ANKS1B: variants seen among roughly 807,000 people sequenced by gnomAD.
ANKS1B encodes the protein ankyrin repeat and sterile alpha motif domain-containing protein 1B.
A neutral mutation model predicts 148.3 loss-of-function variants in ANKS1B; 36 were observed. That is an observed-to-expected ratio of 0.24 (90% CI 0.19 to 0.32). The LOEUF (loss-of-function observed/expected upper bound fraction) is 0.32. Ranked by LOEUF, ANKS1B falls within the 10% of genes least tolerant of loss-of-function variation. The pLI is 1.00. For missense variants in ANKS1B, 1,157 were observed against 1,542.6 expected (o/e 0.75, Z 4.19); for synonymous variants, 542 against 560.8 (o/e 0.97, Z 0.47).
intron 15 of ANKS1B, among the ~76,000 whole-genome samples, chr12:99,145,848 T>G (rs1008675039): frequency 5.3e-5 from 8 of 152,096 alleles, no homozygotes; most frequent in Non-Finnish European, 1.0e-4. Flanking sequence ...TGCTGGCAAT[T>G]TTTTTAACCT....
chr12:99,193,793 C>CTTTTTTTTTTTTTTTTTTT (rs34024548), intron 14 of ANKS1B, among the ~76,000 whole-genome samples: 1 of 66,800 alleles, frequency 1.5e-5, no homozygotes, highest in Non-Finnish European at 2.6e-5. Context: ...ATTTCTAGTT[C>CTTTTTTTTTTTTTTTTTTT]TTTTTTTTTT....
intron 8 of ANKS1B, among the ~76,000 whole-genome samples, chr12:99,691,798 A>G (rs762209185): frequency 5.9e-5 from 9 of 152,068 alleles, no homozygotes; most frequent in Non-Finnish European, 1.3e-4. Context: ...GCAGTGCCCC[A>G]CTCTCAGTAC....
At chr12:99,788,950 T>A (rs906619770) in intron 4 of ANKS1B, among the ~76,000 whole-genome samples, 33 of 152,186 alleles carry the variant, frequency 2.2e-4, no homozygotes, top group Admixed American at 1.8e-3. Flanking sequence ...CTGCAGTAAA[T>A]TAGAACATCA....
chr12:99,052,881 T>TAACTGAAAAAATTTCCTA (rs1360872825), intron 17 of ANKS1B, among the ~76,000 whole-genome samples: 3 of 151,732 alleles, frequency 2.0e-5, no homozygotes, highest in Non-Finnish European at 4.4e-5. Context: ...CTATATCCTA[T>TAACTGAAAAAATTTCCTA]AACTGAAAAA....
rs55981755 is a variant in ANKS1B at position 99,262,673 on chromosome 12, T to G, written c.1757-15809A>C. 9.2e-5 allele frequency among the ~76,000 whole-genome samples: 14 copies of G among 152,014 alleles called. No individual in the cohort carries two copies. The East Asian group carries it at 1.7e-3, about 19-fold the overall frequency. On this transcript the variant is annotated intron_variant, in intron 12 of 26. Coordinates refer to ENST00000683438, the MANE Select transcript of ANKS1B (RefSeq NM_001352186.2). ...AATAAGATCACTCTGTTTATGTAAT[T>G]AAAAAAAATTTAAATCTCACCTAAA...
chr12:99,571,732 T>A (rs1203060145), intron 9 of ANKS1B, among the ~76,000 whole-genome samples: 1 of 152,146 alleles, frequency 6.6e-6, no homozygotes, highest in Non-Finnish European at 1.5e-5. Flanking sequence ...TCTAAGGGAT[T>A]TCTATAGCCA....
chr12:99,532,347 T>C (rs941820502), intron 9 of ANKS1B, among the ~76,000 whole-genome samples: 1 of 152,112 alleles, frequency 6.6e-6, no homozygotes, highest in Non-Finnish European at 1.5e-5. Context: ...GGTTTTTTTG[T>C]TGTTGTTGTT....
chr12:99,076,568 A>G (rs1208223060), intron 16 of ANKS1B, among the ~76,000 whole-genome samples: 2 of 152,268 alleles, frequency 1.3e-5, no homozygotes, highest in Non-Finnish European at 2.9e-5. Flanking sequence ...AGATGGTCAA[A>G]GGGGCTGACT....
chr12:98,959,964 C>A (rs567762444), intron 17 of ANKS1B, among the ~76,000 whole-genome samples: 1 of 152,132 alleles, frequency 6.6e-6, no homozygotes, highest in Non-Finnish European at 1.5e-5. Context: ...CAGCCACAAT[C>A]GAGTAAGGCA....
intron 1 of ANKS1B, among the ~76,000 whole-genome samples, chr12:99,966,759 A>G (rs1336981639): frequency 2.0e-5 from 3 of 152,234 alleles, no homozygotes; most frequent in Admixed American, 2.0e-4. Context: ...GCTTTTAAAA[A>G]GGAGAAAATA....
At chr12:98,776,194 C>T (rs920784586) in intron 24 of ANKS1B, among the ~76,000 whole-genome samples, 27 of 152,204 alleles carry the variant, frequency 1.8e-4, no homozygotes, top group African/African-American at 6.5e-4. Context: ...CAGTTGTAGA[C>T]TGTATGGAGA....
intron 15 of ANKS1B, chr12:99,104,675 G>T (rs538310067): frequency 6.6e-6 from 1 of 152,274 alleles, no homozygotes; most frequent in African/African-American, 2.4e-5. Context: ...TTCCCTGAAG[G>T]TTGTACATCC....
intron 12 of ANKS1B, among the ~76,000 whole-genome samples, chr12:99,337,603 T>C (rs190472678): frequency 6.6e-5 from 10 of 152,312 alleles, no homozygotes; most frequent in African/African-American, 2.4e-4. Context: ...TATTGTAGTT[T>C]TCTCAGTCTA....
At chr12:99,115,449 C>T (rs1228892661) in intron 15 of ANKS1B, among the ~76,000 whole-genome samples, 1 of 152,088 alleles carries the variant, frequency 6.6e-6, no homozygotes, top group African/African-American at 2.4e-5. Flanking sequence ...AAGAGAATAA[C>T]AGATACTTGG....
chr12:99,298,740 T>C (rs1248736566), intron 12 of ANKS1B, among the ~76,000 whole-genome samples: 1 of 152,200 alleles, frequency 6.6e-6, no homozygotes, highest in African/African-American at 2.4e-5. Flanking sequence ...ATCCTGTCAA[T>C]CTGGCCATAG....
chr12:99,537,984 GT>G (rs2153110417), intron 9 of ANKS1B, among the ~76,000 whole-genome samples: 1 of 152,212 alleles, frequency 6.6e-6, no homozygotes, highest in Non-Finnish European at 1.5e-5. Context: ...TAGATATCCA[GT>G]TTTCCCAGTA....
At chr12:99,679,141 TG>T (rs1599510694) in intron 8 of ANKS1B, among the ~76,000 whole-genome samples, 1 of 152,314 alleles carries the variant, frequency 6.6e-6, no homozygotes, top group East Asian at 1.9e-4. Context: ...ATTAAACATT[TG>T]TAAGTTGGTG....
At chr12:99,062,650 G>A (rs1433977857) in intron 16 of ANKS1B, among the ~76,000 whole-genome samples, 2 of 152,210 alleles carry the variant, frequency 1.3e-5, no homozygotes, top group Admixed American at 1.3e-4. Flanking sequence ...ATTGAGAAGA[G>A]CACAGAAGCT....
At chr12:99,872,436 G>A (rs1472734726) in intron 1 of ANKS1B, among the ~76,000 whole-genome samples, 1 of 151,912 alleles carries the variant, frequency 6.6e-6, no homozygotes, top group Non-Finnish European at 1.5e-5. Flanking sequence ...TTAATCAGGG[G>A]AAAAATAAGG....
Sources: gnomAD v4.1 joint callset for allele counts (sites outside exome capture counted in the v4.1 genomes callset) on GRCh38, gnomAD v4.1.1 for gene constraint, MANE v1.5 for transcripts, NCBI Gene and HGNC (gene_info 2026-07-23, HGNC 2026-07-21) for gene names.